The following ADGRL2 variants were observed in gnomAD, a reference collection of about 807,000 sequenced individuals.
ADGRL2 encodes adhesion G protein-coupled receptor L2, also known as calcium-independent alpha-latrotoxin receptor 2.
In ADGRL2, 44 loss-of-function variants were observed where a neutral mutation model predicts 157.4. The observed-to-expected ratio is 0.28, with a 90% CI of 0.22 to 0.36. The LOEUF is 0.36. ADGRL2 is among the 10% of genes least tolerant of loss of function. The pLI is 1.00. For synonymous variants in ADGRL2, 585 were observed against 624.7 expected (o/e 0.94, Z 0.95); for missense variants, 1,510 against 1,768.9 (o/e 0.85, Z 2.63).
At chr1:81,752,526 T>C (rs12118295) in intron 1 of ADGRL2, among the ~76,000 whole-genome samples, 12,709 of 152,238 alleles carry the variant, frequency 0.083, 570 homozygotes, top group South Asian at 0.14. Context: ...GTTATAGTAA[T>C]GGTTTTCTGT....
At position 81,767,678 on chromosome 1, in the gene ADGRL2, C is replaced by G. The variant is rs562598416; in HGVS notation, c.-101+5826C>G. Among the ~76,000 whole-genome samples the G allele has an allele frequency of 2.4e-3, 370 of 151,848 alleles. 7 individuals are homozygous for G. In the South Asian group the frequency reaches 0.041, roughly 17 times the overall value. On this transcript the variant is annotated intron_variant, in intron 2 of 20. Transcript: ENST00000359929. ...CTTAAATCCAGGAGTTCGAGATCAG[C>G]CTGGGCAACATGGTGAAACCCCATC...
At position 81,316,076 on chromosome 1, in the gene ADGRL2, GTCTAC is replaced by G. The variant is rs1660086173; in HGVS notation, c.-302+9572_-302+9576del. Among the ~76,000 whole-genome samples the G allele has an allele frequency of 2.0e-5, 3 of 150,874 alleles. No homozygotes were observed. In the South Asian group the frequency reaches 6.3e-4, roughly 32 times the overall value. On this transcript the variant is annotated intron_variant, in intron 1 of 24. Coordinates refer to the ADGRL2 transcript ENST00000370721. ...TCTTCCTTTCTTCCCTTAGCTGTTTGTCTACTCTATTTGTTGTATTGGCATCTTAG... is the reference window on the plus strand; with the variant it reads ...TCTTCCTTTCTTCCCTTAGCTGTTTGTCTATTTGTTGTATTGGCATCTTAG...
intron 2 of ADGRL2, among the ~76,000 whole-genome samples, chr1:81,575,451 A>G (rs992748859): frequency 1.9e-4 from 27 of 143,552 alleles, no homozygotes; most frequent in African/African-American, 6.3e-4. Flanking sequence ...CATTTCGTAT[A>G]AATCACTGTT....
chr1:81,395,707 G>C (rs1158670439), intron 1 of ADGRL2, among the ~76,000 whole-genome samples: 1 of 152,090 alleles, frequency 6.6e-6, no homozygotes. Flanking sequence ...CCCATTTTGA[G>C]TCAGCTTTTG....
chr1:81,505,252 T>C, intron 2 of ADGRL2: 1 of 534,058 alleles, frequency 1.9e-6, no homozygotes, highest in Non-Finnish European at 3.6e-6. Flanking sequence ...GCTGACCTCC[T>C]CTGGCCTCAG....
chr1:81,675,333 C>A (rs1238470798), intron 3 of ADGRL2, among the ~76,000 whole-genome samples: 1 of 152,122 alleles, frequency 6.6e-6, no homozygotes, highest in Non-Finnish European at 1.5e-5. Flanking sequence ...AATTGAAAGT[C>A]AAATCTCCAA....
At chr1:81,356,391 CTG>C (rs1663289586) in intron 1 of ADGRL2, among the ~76,000 whole-genome samples, 1 of 152,286 alleles carries the variant, frequency 6.6e-6, no homozygotes, top group African/African-American at 2.4e-5. Context: ...GAATCAAATT[CTG>C]TGTCTTCTGA....
intron 2 of ADGRL2, among the ~76,000 whole-genome samples, chr1:81,464,082 C>T (rs2077999097): frequency 6.6e-6 from 1 of 152,036 alleles, no homozygotes; most frequent in Non-Finnish European, 1.5e-5. Flanking sequence ...TATGCCCCAG[C>T]AGGAAATCTT....
intron 1 of ADGRL2, among the ~76,000 whole-genome samples, chr1:81,724,685 A>G (rs2084452683): frequency 6.6e-6 from 1 of 152,220 alleles, no homozygotes; most frequent in Non-Finnish European, 1.5e-5. Flanking sequence ...GTGCTTAAAA[A>G]CATTTTCATG....
chr1:81,385,922 A>G (rs1255567227), intron 1 of ADGRL2, among the ~76,000 whole-genome samples: 4 of 152,096 alleles, frequency 2.6e-5, no homozygotes, highest in African/African-American at 7.2e-5. Context: ...TTTAGAAACC[A>G]GGAAAATAAG....
At chr1:81,347,732 G>T (rs994933699) in intron 1 of ADGRL2, among the ~76,000 whole-genome samples, 4 of 152,138 alleles carry the variant, frequency 2.6e-5, no homozygotes, top group African/African-American at 9.7e-5. Flanking sequence ...TAAGGTTGTG[G>T]CTGAACGAAC....
intron 1 of ADGRL2, among the ~76,000 whole-genome samples, chr1:81,346,800 C>G (rs1410708446): frequency 6.6e-6 from 1 of 152,150 alleles, no homozygotes; most frequent in East Asian, 1.9e-4. Context: ...GCAGAGCAGT[C>G]TATGGCATTT....
At chr1:81,502,070 G>C in intron 2 of ADGRL2, 1 of 1,600,716 alleles carries the variant, frequency 6.2e-7, no homozygotes, top group South Asian at 1.1e-5. Context: ...AGAGGACGGA[G>C]GTTTGGAAGA....
intron 1 of ADGRL2, among the ~76,000 whole-genome samples, chr1:81,727,184 C>T (rs1236233583): frequency 6.6e-6 from 1 of 152,106 alleles, no homozygotes; most frequent in Non-Finnish European, 1.5e-5. Flanking sequence ...TTCTAATTCT[C>T]AATTTTGTGA....
At chr1:81,807,600 A>G (rs1430015556) in intron 1 of ADGRL2, among the ~76,000 whole-genome samples, 1 of 151,982 alleles carries the variant, frequency 6.6e-6, no homozygotes, top group Non-Finnish European at 1.5e-5. Flanking sequence ...ATGAACAGTT[A>G]ATTATTGGAA....
At chr1:81,353,195 ATAC>A (rs146067738) in intron 1 of ADGRL2, among the ~76,000 whole-genome samples, 15,530 of 152,142 alleles carry the variant, frequency 0.1, 981 homozygotes, top group Non-Finnish European at 0.13. Context: ...GGCACTTCCC[ATAC>A]TGCCTGAGTG....
At chr1:81,748,850 T>C (rs1292721032) in intron 1 of ADGRL2, among the ~76,000 whole-genome samples, 1 of 151,910 alleles carries the variant, frequency 6.6e-6, no homozygotes, top group African/African-American at 2.4e-5. Context: ...GTCTTTTTAG[T>C]AGAGATGGGG....
intron 2 of ADGRL2, among the ~76,000 whole-genome samples, chr1:81,485,984 A>G (rs1021028763): frequency 6.6e-6 from 1 of 152,166 alleles, no homozygotes; most frequent in Non-Finnish European, 1.5e-5. Flanking sequence ...GTGCACTTAC[A>G]ACTTCAAAAG....
intron 3 of ADGRL2, among the ~76,000 whole-genome samples, chr1:81,585,434 G>T (rs1197589889): frequency 6.6e-6 from 1 of 152,058 alleles, no homozygotes; most frequent in Non-Finnish European, 1.5e-5. Context: ...ATCCTAAACA[G>T]GAAGGGTGGG....
Sources: allele counts gnomAD v4.1 joint callset (sites outside exome capture counted in the v4.1 genomes callset), GRCh38; gene constraint gnomAD v4.1.1; transcripts MANE v1.5; gene names NCBI Gene and HGNC (gene_info 2026-07-23, HGNC 2026-07-21).